Variants in ANOS1 observed in about 807,000 individuals in gnomAD.
The protein encoded by ANOS1 is anosmin-1.
Under a neutral mutation model 59.0 loss-of-function variants are expected in ANOS1, and 6 were observed. The ratio of observed to expected loss-of-function variants is 0.10; its 90% CI spans 0.06 to 0.20. The LOEUF is 0.20. Ranked by LOEUF, ANOS1 falls within the 10% of genes least tolerant of loss-of-function variation. The pLI is 1.00. For missense variants in ANOS1, 433 were observed against 542.3 expected (o/e 0.80, Z 2.00); for synonymous variants, 217 against 223.4 (o/e 0.97, Z 0.25).
At chrX:8,578,582 G>A (rs1409359080) in intron 6 of ANOS1, among the ~76,000 whole-genome samples, 1 of 111,961 alleles carries the variant, frequency 8.9e-6, no homozygotes, top group Non-Finnish European at 1.9e-5. Context: ...CTTATATGCT[G>A]TGAAAACAAT....
chrX:8,647,213 C>T (rs1931775615), intron 2 of ANOS1, among the ~76,000 whole-genome samples: 1 of 110,795 alleles, frequency 9.0e-6, no homozygotes, highest in Non-Finnish European at 1.9e-5. Flanking sequence ...CACTTCCATC[C>T]TCAGGTGTGA....
At chrX:8,593,315 T>C (rs1239025295) in intron 4 of ANOS1, among the ~76,000 whole-genome samples, 2 of 111,826 alleles carry the variant, frequency 1.8e-5, no homozygotes, top group Non-Finnish European at 3.8e-5. Context: ...CGTAAATGTG[T>C]ATTCAACTGA....
intron 6 of ANOS1, among the ~76,000 whole-genome samples, chrX:8,576,491 TACACACACAC>T (rs769843705): frequency 1.7e-4 from 16 of 93,470 alleles, no homozygotes; most frequent in Non-Finnish European, 3.5e-4. Flanking sequence ...CACACACACA[TACACACACAC>T]ACACACACAC....
chrX:8,688,738 A>G (rs1602026323), intron 2 of ANOS1, among the ~76,000 whole-genome samples: 1 of 112,092 alleles, frequency 8.9e-6, no homozygotes, highest in Non-Finnish European at 1.9e-5. Flanking sequence ...TCTAAATAGG[A>G]ACCCGTTCTT....
rs191598053 is a variant in ANOS1, at chrX:8,699,160, T to C, written c.255+538A>G. On this transcript the variant is annotated intron_variant, in intron 2 of 13. Transcript: ENST00000262648. ...TGGTGTATTGGGATTGAGGTAAGAA[T>C]TGTATTATATCAAACATATAAATAA... 2.7e-5 allele frequency among the ~76,000 whole-genome samples: 3 copies of C among 111,629 alleles called. No individual in the cohort carries two copies. The East Asian group carries it at 8.4e-4, about 31-fold the overall frequency.
chrX:8,682,594 C>T (rs943549046), intron 2 of ANOS1, among the ~76,000 whole-genome samples: 3 of 111,276 alleles, frequency 2.7e-5, no homozygotes, highest in Admixed American at 9.6e-5. Context: ...TGCTCAAGAT[C>T]ACATAGCCCC....
At chrX:8,693,954 C>T (rs1379643914) in intron 2 of ANOS1, among the ~76,000 whole-genome samples, 1 of 110,576 alleles carries the variant, frequency 9.0e-6, no homozygotes, top group Non-Finnish European at 1.9e-5. Context: ...CATCTCCTGC[C>T]CTTGTCATCT....
At chrX:8,729,391 C>CTTTTTTTTTTTT (rs1162458402) in intron 1 of ANOS1, among the ~76,000 whole-genome samples, 1 of 72,626 alleles carries the variant, frequency 1.4e-5, no homozygotes, top group Non-Finnish European at 2.5e-5. Flanking sequence ...ACCTTCCTTC[C>CTTTTTTTTTTTT]TTTTTTTTTT....
At chrX:8,659,824 T>C (rs912940524) in intron 2 of ANOS1, among the ~76,000 whole-genome samples, 1 of 110,282 alleles carries the variant, frequency 9.1e-6, no homozygotes, top group Non-Finnish European at 1.9e-5. Flanking sequence ...AGATGGGATT[T>C]TGCCATGTTG....
intron 1 of ANOS1, among the ~76,000 whole-genome samples, chrX:8,720,662 G>A (rs1421137976): frequency 9.0e-6 from 1 of 111,487 alleles, no homozygotes; most frequent in Non-Finnish European, 1.9e-5. Flanking sequence ...AGTACTTTGG[G>A]AGGCTGATGC....
intron 2 of ANOS1, among the ~76,000 whole-genome samples, chrX:8,673,445 C>A (rs1932288193): frequency 9.2e-6 from 1 of 108,714 alleles, no homozygotes; most frequent in African/African-American, 3.3e-5. Context: ...CAACTACAAC[C>A]TTTATGGAAA....
rs1432738983 is a variant in ANOS1 at position 8,584,543 on chromosome X, G to C, written c.856+724C>G. On this transcript the variant is annotated intron_variant, in intron 6 of 13. Transcript: ENST00000262648. ...TAGCTTCTGTGTAAGAAGATGACTTGTTATTAGTAAGAGACTAATGTAACT... is the reference window on the plus strand; with the variant it reads ...TAGCTTCTGTGTAAGAAGATGACTTCTTATTAGTAAGAGACTAATGTAACT... Among the ~76,000 whole-genome samples, 5 of 112,126 alleles carry C rather than the reference G, an allele frequency of 4.5e-5. No individual in the cohort carries two copies. In the East Asian group the frequency reaches 1.4e-3, roughly 31 times the overall value.
intron 3 of ANOS1, among the ~76,000 whole-genome samples, chrX:8,602,766 G>C: frequency 9.1e-6 from 1 of 109,907 alleles, no homozygotes; most frequent in Non-Finnish European, 1.9e-5. Flanking sequence ...TTTTGAGAGA[G>C]TCTCACTCTG....
intron 3 of ANOS1, among the ~76,000 whole-genome samples, chrX:8,619,430 C>T (rs1318577556): frequency 9.0e-6 from 1 of 110,605 alleles, no homozygotes; most frequent in African/African-American, 3.3e-5. Flanking sequence ...ATGGTGAAAC[C>T]CCGTCTCTAC....
intron 4 of ANOS1, among the ~76,000 whole-genome samples, chrX:8,594,091 T>C (rs999550188): frequency 1.8e-5 from 2 of 111,306 alleles, no homozygotes; most frequent in African/African-American, 6.5e-5. Context: ...TGCTACCTAC[T>C]ACCAAATCAC....
intron 6 of ANOS1, among the ~76,000 whole-genome samples, chrX:8,577,147 T>C (rs1334859965): frequency 8.9e-6 from 1 of 112,146 alleles, no homozygotes; most frequent in Non-Finnish European, 1.9e-5. Flanking sequence ...TGTGAAACCA[T>C]TAGGTTTAGG....
intron 9 of ANOS1, among the ~76,000 whole-genome samples, chrX:8,544,953 C>A (rs1418965822): frequency 1.9e-5 from 2 of 104,149 alleles, no homozygotes; most frequent in Non-Finnish European, 3.9e-5. Flanking sequence ...GTAATCCCAG[C>A]TACCTGGGAG....
In ANOS1 at chrX:8,597,221, G is replaced by A; in HGVS notation, c.354C>T (p.Thr118=). Reference sequence around the variant, plus strand: ...GGATGTATTTGAGGAACTCACAGCTGGTCAAGCATTCGTAGCTCTTCTTGG... The same window carrying A: ...GGATGTATTTGAGGAACTCACAGCTAGTCAAGCATTCGTAGCTCTTCTTGG... ...LFPKKSYECL[T]SCEFLKYILL... is the part of the protein sequence containing the mutation. Residue 118 remains threonine, a synonymous_variant, in exon 4 of 14, where the codon ACC becomes ACT. Transcript: ENST00000262648. 5 of 1,211,207 alleles carry A rather than the reference G, an allele frequency of 4.1e-6. No individual in the cohort carries two copies. Among genetic ancestry groups the A allele is most frequent in the Non-Finnish European group, 5.6e-6 (5 of 895,038 alleles).
intron 1 of ANOS1, among the ~76,000 whole-genome samples, chrX:8,706,145 T>C (rs5978947): frequency 0.37 from 41,060 of 111,005 alleles, 5,486 homozygotes; most frequent in East Asian, 0.62. Context: ...ACGGGAAGAA[T>C]AAAGATAAAT....
Sources: allele counts gnomAD v4.1 joint callset (sites outside exome capture counted in the v4.1 genomes callset), GRCh38; gene constraint gnomAD v4.1.1; transcripts MANE v1.5; gene names NCBI Gene and HGNC (gene_info 2026-07-23, HGNC 2026-07-21).